LINGO2: variants seen among roughly 807,000 people sequenced by gnomAD.
LINGO2 encodes the protein leucine rich repeat and Ig domain containing 2, also known as leucine-rich repeat and immunoglobulin-like domain-containing nogo receptor-interacting protein 2.
LINGO2 carries 14 observed loss-of-function variants against 30.6 expected under a neutral mutation model. That is an observed-to-expected ratio of 0.46 (90% confidence interval 0.30 to 0.72). The LOEUF is 0.72. Ranked by LOEUF, LINGO2 falls within the 30% of genes least tolerant of loss-of-function variation. The pLI is 0.07. For synonymous variants in LINGO2, 317 were observed against 288.5 expected, an observed-to-expected ratio of 1.10 and a Z score of -1.00; for missense variants, 729 against 751.7, an observed-to-expected ratio of 0.97 and a Z score of 0.35.
chr9:28,456,828 T>C (rs1379646017), intron 2 of LINGO2, among the ~76,000 whole-genome samples: 1 of 152,232 alleles, frequency 6.6e-6, no homozygotes, highest in Non-Finnish European at 1.5e-5. Flanking sequence ...TGTGTCGTTA[T>C]GAAAGATCAC....
chr9:28,733,916 C>T, the LINGO2 span, among the ~76,000 whole-genome samples: 1 of 151,986 alleles, frequency 6.6e-6, no homozygotes, highest in South Asian at 2.1e-4. Context: ...GTAGCAGAAA[C>T]TTTACATCTG....
chr9:28,551,415 T>C (rs1001956105), intron 1 of LINGO2, among the ~76,000 whole-genome samples: 11 of 152,032 alleles, frequency 7.2e-5, no homozygotes, highest in African/African-American at 2.6e-4. Flanking sequence ...TATATAAAGT[T>C]AGAAAAAAGG....
At chr9:28,922,581 T>C in the LINGO2 span, among the ~76,000 whole-genome samples, 1 of 152,236 alleles carries the variant, frequency 6.6e-6, no homozygotes, top group Non-Finnish European at 1.5e-5. Context: ...AGTTATTTAT[T>C]TTCACAGTAA....
intron 1 of LINGO2, among the ~76,000 whole-genome samples, chr9:28,650,258 A>G (rs1380364068): frequency 6.6e-6 from 1 of 152,172 alleles, no homozygotes; most frequent in East Asian, 1.9e-4. Context: ...CAAAGACTCT[A>G]GCACGTGGGC....
chr9:28,434,426 G>C (rs1823831000), intron 2 of LINGO2, among the ~76,000 whole-genome samples: 1 of 151,118 alleles, frequency 6.6e-6, no homozygotes, highest in Non-Finnish European at 1.5e-5. Flanking sequence ...CTCCTGGTTA[G>C]TCAATCATCT....
At chr9:29,199,447 G>T in the LINGO2 span, among the ~76,000 whole-genome samples, 1 of 151,942 alleles carries the variant, frequency 6.6e-6, no homozygotes. Flanking sequence ...GTTTATCCAG[G>T]GTTACATTTA....
At chr9:28,718,777 T>A in the LINGO2 span, among the ~76,000 whole-genome samples, 1 of 152,048 alleles carries the variant, frequency 6.6e-6, no homozygotes, top group African/African-American at 2.4e-5. Flanking sequence ...TTGCTGACAA[T>A]GTGTGAACAA....
the LINGO2 span, among the ~76,000 whole-genome samples, chr9:29,088,262 C>T: frequency 3.3e-5 from 5 of 152,252 alleles, no homozygotes; most frequent in African/African-American, 1.2e-4. Flanking sequence ...TGATCCACGC[C>T]ATCTAGGTTT....
At chr9:29,027,687 C>T in the LINGO2 span, among the ~76,000 whole-genome samples, 7 of 152,108 alleles carry the variant, frequency 4.6e-5, no homozygotes, top group African/African-American at 1.7e-4. Context: ...GTAAATTAGT[C>T]TAATTGATTG....
intron 4 of LINGO2, among the ~76,000 whole-genome samples, chr9:28,025,763 C>T (rs1255987674): frequency 6.6e-6 from 1 of 152,094 alleles, no homozygotes; most frequent in African/African-American, 2.4e-5. Flanking sequence ...GGTAGGCTTC[C>T]CATCCAGAAG....
chr9:28,462,406 G>A (rs1430435858), intron 2 of LINGO2, among the ~76,000 whole-genome samples: 2 of 127,216 alleles, frequency 1.6e-5, no homozygotes, highest in South Asian at 2.4e-4. Flanking sequence ...CATTCATCAT[G>A]CTCTAGCTAA....
chr9:28,589,086 G>C (rs577122181), intron 1 of LINGO2, among the ~76,000 whole-genome samples: 1 of 152,238 alleles, frequency 6.6e-6, no homozygotes, highest in Admixed American at 6.5e-5. Context: ...AAAGGCCTTT[G>C]AGAAAATTCA....
At chr9:29,051,241 A>G in the LINGO2 span, among the ~76,000 whole-genome samples, 1 of 152,212 alleles carries the variant, frequency 6.6e-6, no homozygotes, top group Middle Eastern at 3.4e-3. Context: ...ACCCACTATT[A>G]TAGTATTGTA....
chr9:28,556,111 C>A (rs1822670021), intron 1 of LINGO2, among the ~76,000 whole-genome samples: 2 of 152,018 alleles, frequency 1.3e-5, no homozygotes, highest in African/African-American at 4.8e-5. Flanking sequence ...TCTCTCACCA[C>A]TCCTATTCAA....
chr9:28,854,900 T>TA, the LINGO2 span, among the ~76,000 whole-genome samples: 2 of 151,932 alleles, frequency 1.3e-5, no homozygotes, highest in African/African-American at 4.8e-5. Flanking sequence ...TTCCTAAACT[T>TA]AAAAAAGAAT....
chr9:28,202,585 A>T (rs965577148), intron 4 of LINGO2, among the ~76,000 whole-genome samples: 2 of 152,108 alleles, frequency 1.3e-5, no homozygotes, highest in Admixed American at 1.3e-4. Flanking sequence ...AAGGATTTGC[A>T]CTAACATTTC....
intron 2 of LINGO2, among the ~76,000 whole-genome samples, chr9:28,435,752 G>A (rs1823896292): frequency 6.6e-6 from 1 of 152,198 alleles, no homozygotes; most frequent in South Asian, 2.1e-4. Flanking sequence ...GACTAAGAAG[G>A]AAAGTGATAT....
intron 3 of LINGO2, among the ~76,000 whole-genome samples, chr9:28,342,517 G>A (rs565919699): frequency 1.2e-4 from 18 of 152,122 alleles, no homozygotes; most frequent in African/African-American, 4.1e-4. Context: ...AGGTATCCTC[G>A]TGGCTGCTTT....
chr9:28,423,033 G>A (rs142622109), intron 2 of LINGO2, among the ~76,000 whole-genome samples: 2 of 151,990 alleles, frequency 1.3e-5, no homozygotes, highest in African/African-American at 4.8e-5. Flanking sequence ...AAGGAGGGAT[G>A]GAAAGTTATT....
Sources: gnomAD v4.1 joint callset for allele counts (sites outside exome capture counted in the v4.1 genomes callset) on GRCh38, gnomAD v4.1.1 for gene constraint, MANE v1.5 for transcripts, NCBI Gene and HGNC (gene_info 2026-07-23, HGNC 2026-07-21) for gene names.